Variants in SLC9D1 observed in about 807,000 individuals in gnomAD.
SLC9D1 encodes the protein putative LAG1-interacting protein.
the SLC9D1 span, among the ~76,000 whole-genome samples, chr13:113,507,954 A>G: frequency 6.6e-6 from 1 of 152,218 alleles, no homozygotes; most frequent in East Asian, 1.9e-4. Context: ...ACAGGCAGCC[A>G]TCTGGGGGGC....
the SLC9D1 span, among the ~76,000 whole-genome samples, chr13:113,548,783 C>T: frequency 1.3e-5 from 2 of 152,312 alleles, no homozygotes; most frequent in South Asian, 4.1e-4. Context: ...GTGAAATACC[C>T]GTAATGGCAG....
At chr13:113,534,604 C>G in the SLC9D1 span, 1 of 292,666 alleles carries the variant, frequency 3.4e-6, no homozygotes, top group Non-Finnish European at 6.3e-6. Flanking sequence ...GCCAGGACAA[C>G]AGAGTGAGAA....
the SLC9D1 span, among the ~76,000 whole-genome samples, chr13:113,525,413 G>A: frequency 0.21 from 31,363 of 152,196 alleles, 3,507 homozygotes; most frequent in Admixed American, 0.29. Flanking sequence ...ACTTGATAAC[G>A]ACAATAAATC....
the SLC9D1 span, among the ~76,000 whole-genome samples, chr13:113,521,999 G>T: frequency 6.6e-6 from 1 of 152,210 alleles, no homozygotes; most frequent in South Asian, 2.1e-4. Flanking sequence ...TTTGGAACCA[G>T]ATTGAGGTTC....
At chr13:113,549,400 C>T in the SLC9D1 span, 1 of 1,611,724 alleles carries the variant, frequency 6.2e-7, no homozygotes, top group Admixed American at 1.7e-5. Context: ...GTCTCTGTGA[C>T]CCGCTCTGCA....
chr13:113,497,994 C>T, the SLC9D1 span, among the ~76,000 whole-genome samples: 1 of 152,222 alleles, frequency 6.6e-6, no homozygotes, highest in Admixed American at 6.5e-5. Flanking sequence ...GGTCTCACAT[C>T]TGGTTTTAAA....
At chr13:113,513,975 G>A in the SLC9D1 span, among the ~76,000 whole-genome samples, 2 of 152,232 alleles carry the variant, frequency 1.3e-5, no homozygotes, top group Non-Finnish European at 2.9e-5. Context: ...CAGCCCAGAC[G>A]CTGCAGAGAA....
At chr13:113,527,020 G>A in the SLC9D1 span, among the ~76,000 whole-genome samples, 4 of 152,206 alleles carry the variant, frequency 2.6e-5, no homozygotes, top group African/African-American at 9.7e-5. Flanking sequence ...CGGCCTGGGT[G>A]GGTCTGGGTT....
chr13:113,537,834 GA>G, the SLC9D1 span, among the ~76,000 whole-genome samples: 1 of 152,182 alleles, frequency 6.6e-6, no homozygotes, highest in African/African-American at 2.4e-5. Flanking sequence ...GCCATGCGTT[GA>G]AAAGACCTCC....
the SLC9D1 span, chr13:113,530,194 C>G: frequency 6.6e-6 from 1 of 152,060 alleles, no homozygotes; most frequent in South Asian, 2.1e-4. Context: ...TACTGGTTGC[C>G]GGAGGGTGGG....
chr13:113,539,237 G>A, the SLC9D1 span: 1 of 953,736 alleles, frequency 1.0e-6, no homozygotes, highest in Non-Finnish European at 1.6e-6. This position sits in a 1 kb window ranked among gnomAD's most constrained non-coding sequence, Gnocchi z 4.8. Context: ...CACACGCTCT[G>A]TTTGTGCAGC....
the SLC9D1 span, chr13:113,534,324 C>T: frequency 8.8e-7 from 1 of 1,140,506 alleles, no homozygotes. Context: ...TTTACCTTTC[C>T]ATTTTAATAA....
the SLC9D1 span, among the ~76,000 whole-genome samples, chr13:113,493,017 G>C: frequency 6.6e-6 from 1 of 152,234 alleles, no homozygotes; most frequent in Non-Finnish European, 1.5e-5. Context: ...TTAGTAGTCA[G>C]TAGGATTTTG....
the SLC9D1 span, chr13:113,530,687 C>T: frequency 1.3e-5 from 2 of 152,212 alleles, no homozygotes; most frequent in African/African-American, 4.8e-5. Flanking sequence ...GAGGAAAGAA[C>T]TCTTTCCCTC....
At chr13:113,533,298 C>A in the SLC9D1 span, among the ~76,000 whole-genome samples, 1 of 151,970 alleles carries the variant, frequency 6.6e-6, no homozygotes, top group Non-Finnish European at 1.5e-5. Flanking sequence ...CTGCTTCAAG[C>A]CCAGCTCTGC....
chr13:113,491,596 C>T, the SLC9D1 span, among the ~76,000 whole-genome samples: 1 of 152,186 alleles, frequency 6.6e-6, no homozygotes, highest in African/African-American at 2.4e-5. Flanking sequence ...TATTGTCTCC[C>T]GGGGTCGGGT....
At chr13:113,498,514 A>G in the SLC9D1 span, 11 of 1,584,232 alleles carry the variant, frequency 6.9e-6, no homozygotes, top group South Asian at 1.2e-5. Context: ...TTTGACGACA[A>G]TAAATCAGTA....
chr13:113,543,719 C>A, the SLC9D1 span, among the ~76,000 whole-genome samples: 2 of 150,244 alleles, frequency 1.3e-5, no homozygotes, highest in Non-Finnish European at 3.0e-5. Context: ...GTCTTGTCCG[C>A]CGGGGCTTTG....
chr13:113,493,700 T>G, the SLC9D1 span, among the ~76,000 whole-genome samples: 3,588 of 152,330 alleles, frequency 0.024, 91 homozygotes, highest in East Asian at 0.11. Flanking sequence ...GTGCTTCTCC[T>G]TTTGGGAGTC....
Sources: allele counts gnomAD v4.1 joint callset (sites outside exome capture counted in the v4.1 genomes callset), GRCh38; gene constraint gnomAD v4.1.1; non-coding constraint Gnocchi (gnomAD v3.1); transcripts MANE v1.5; gene names NCBI Gene and HGNC (gene_info 2026-07-23, HGNC 2026-07-21).